SLC39A11: variants seen among roughly 807,000 people sequenced by gnomAD.
SLC39A11 encodes solute carrier family 39 member 11.
In SLC39A11, 33 loss-of-function variants were observed where a neutral mutation model predicts 36.1. The ratio of observed to expected loss-of-function variants is 0.91; its 90% confidence interval spans 0.69 to 1.22. The LOEUF (loss-of-function observed/expected upper bound fraction) is 1.22. Ranked by LOEUF, SLC39A11 falls within the 50% of genes most tolerant of loss-of-function variation. The pLI is 0.00. For missense variants in SLC39A11, 432 were observed against 430.3 expected, an observed-to-expected ratio of 1.00 and a Z score of -0.03; for synonymous variants, 166 against 170.3, an observed-to-expected ratio of 0.97 and a Z score of 0.20.
chr17:72,688,597 C>T (rs930816133), intron 7 of SLC39A11, among the ~76,000 whole-genome samples: 1 of 152,194 alleles, frequency 6.6e-6, no homozygotes, highest in African/African-American at 2.4e-5. Flanking sequence ...CTTCAGGTGG[C>T]AATGGGAGAT....
chr17:72,731,398 TTGG>T (rs2074209074), intron 7 of SLC39A11, among the ~76,000 whole-genome samples: 2 of 152,134 alleles, frequency 1.3e-5, no homozygotes, highest in African/African-American at 4.8e-5. Context: ...ATCCCCAATG[TTGG>T]GGGTAGGACG....
At chr17:73,036,877 C>T (rs2058935573) in intron 3 of SLC39A11, among the ~76,000 whole-genome samples, 1 of 152,168 alleles carries the variant, frequency 6.6e-6, no homozygotes, top group Non-Finnish European at 1.5e-5. Context: ...CTGTGCTCCA[C>T]CTATTTATTC....
At chr17:72,823,886 G>T (rs2077902973) in intron 6 of SLC39A11, 1 of 151,414 alleles carries the variant, frequency 6.6e-6, no homozygotes, top group South Asian at 2.1e-4. Flanking sequence ...ATGGAAACCT[G>T]TAGAGAGCAA....
At chr17:73,012,458 G>A (rs1345295135) in intron 4 of SLC39A11, among the ~76,000 whole-genome samples, 1 of 151,640 alleles carries the variant, frequency 6.6e-6, no homozygotes, top group African/African-American at 2.4e-5. Flanking sequence ...TTAAACAAAG[G>A]ATCGACTGAA....
intron 1 of SLC39A11, among the ~76,000 whole-genome samples, chr17:73,091,284 T>G (rs1306168309): frequency 1.6e-4 from 24 of 151,700 alleles, no homozygotes; most frequent in Admixed American, 1.6e-3. Context: ...AAAAATTACT[T>G]GGGCGTCGTG....
chr17:73,088,338 G>A (rs1414776234), intron 2 of SLC39A11, among the ~76,000 whole-genome samples: 1 of 151,874 alleles, frequency 6.6e-6, no homozygotes, highest in African/African-American at 2.4e-5. Context: ...TTACATGGCA[G>A]GTAGAAATTA....
chr17:73,004,159 G>GA lies in SLC39A11; in HGVS notation c.306+27396dup, dbSNP rs1240978767. Among the ~76,000 whole-genome samples the GA allele has an allele frequency of 7.0e-5, 8 of 113,728 alleles. No individual in the cohort carries two copies. In the East Asian group the frequency reaches 7.5e-4, roughly 11 times the overall value. The allele number at this position is 113,728 out of a possible 152,430, so 74.6% of individuals were successfully genotyped here. A position where few individuals can be genotyped will look rare whatever the true frequency, so the allele number is the denominator to read the frequency against. On this transcript the variant is annotated intron_variant, in intron 4 of 9. Transcript: ENST00000255559. ...AGAAAGGAAGAAAGAAAGAAAGAAG[G>GA]AAAAAAAGAAAGAAAGAAAGAAAGA...
intron 5 of SLC39A11, among the ~76,000 whole-genome samples, chr17:72,906,589 G>C (rs2082668338): frequency 6.6e-6 from 1 of 151,854 alleles, no homozygotes; most frequent in Admixed American, 6.6e-5. Flanking sequence ...TGCTGTGAGA[G>C]ATATACACTG....
At chr17:73,037,311 T>C (rs2058953198) in intron 3 of SLC39A11, among the ~76,000 whole-genome samples, 1 of 152,150 alleles carries the variant, frequency 6.6e-6, no homozygotes, top group Non-Finnish European at 1.5e-5. Flanking sequence ...CCAGCACAGG[T>C]GGGGAGGTGA....
chr17:72,880,380 G>T (rs531550294), intron 5 of SLC39A11, among the ~76,000 whole-genome samples: 5 of 152,160 alleles, frequency 3.3e-5, no homozygotes, highest in African/African-American at 1.2e-4. Flanking sequence ...ACCAGCCTGG[G>T]CAACATGGTG....
intron 6 of SLC39A11, among the ~76,000 whole-genome samples, chr17:72,738,005 T>C (rs907504073): frequency 1.3e-5 from 2 of 152,100 alleles, no homozygotes; most frequent in Non-Finnish European, 2.9e-5. Flanking sequence ...TTTATTTTTA[T>C]ATTTTTATGT....
intron 4 of SLC39A11, among the ~76,000 whole-genome samples, chr17:73,013,307 C>T (rs977619577): frequency 7.0e-5 from 3 of 42,942 alleles, no homozygotes; most frequent in Non-Finnish European, 2.5e-4. Context: ...AGGCTGGTCT[C>T]GAACTCCTGA....
At chr17:72,697,042 G>A (rs920607705) in intron 7 of SLC39A11, among the ~76,000 whole-genome samples, 3 of 152,142 alleles carry the variant, frequency 2.0e-5, no homozygotes, top group African/African-American at 4.8e-5. Context: ...AACACCAGAC[G>A]TTTCATTTTC....
intron 7 of SLC39A11, among the ~76,000 whole-genome samples, chr17:72,655,618 T>C (rs1189351715): frequency 1.3e-5 from 2 of 152,134 alleles, no homozygotes; most frequent in African/African-American, 4.8e-5. Context: ...TCCCTGCTAT[T>C]CGAATTCCCA....
rs8079110 is a variant in SLC39A11 at position 72,922,725 on chromosome 17, T to C, written c.430+25027A>G. 5.9e-3 allele frequency among the ~76,000 whole-genome samples: 891 copies of C among 152,196 alleles called. 9 individuals are homozygous for C. The highest frequency in any genetic ancestry group is 0.02 in the African/African-American group (836 of 41,524). On this transcript the variant is annotated intron_variant, in intron 5 of 9. Coordinates refer to ENST00000255559, the MANE Select transcript of SLC39A11 (RefSeq NM_139177.4). ...GCTCATGCCTATAATCCCAGCACTTTGGGAGGCTGAGGTGGCCAGATCACT... is the reference window on the plus strand; with the variant it reads ...GCTCATGCCTATAATCCCAGCACTTCGGGAGGCTGAGGTGGCCAGATCACT...
intron 5 of SLC39A11, among the ~76,000 whole-genome samples, chr17:72,899,379 G>A (rs72847960): frequency 0.16 from 24,531 of 151,952 alleles, 4,049 homozygotes; most frequent in African/African-American, 0.42. Flanking sequence ...ACCAACAATC[G>A]TAATTATTTA....
At chr17:72,671,962 T>C (rs889318890) in intron 7 of SLC39A11, among the ~76,000 whole-genome samples, 4 of 152,146 alleles carry the variant, frequency 2.6e-5, no homozygotes, top group African/African-American at 7.2e-5. Context: ...GAATCGTGAC[T>C]ATAGTAGACA....
At chr17:72,803,677 C>T (rs2077166077) in intron 6 of SLC39A11, among the ~76,000 whole-genome samples, 1 of 152,158 alleles carries the variant, frequency 6.6e-6, no homozygotes, top group Non-Finnish European at 1.5e-5. Flanking sequence ...GGGCAGGTCA[C>T]ATTTGCTTTC....
At chr17:72,781,499 C>T (rs1218555775) in intron 6 of SLC39A11, among the ~76,000 whole-genome samples, 3 of 152,024 alleles carry the variant, frequency 2.0e-5, no homozygotes, top group African/African-American at 4.8e-5. Flanking sequence ...TCTCGGCTCA[C>T]TGCAACCTCC....
Sources: gnomAD v4.1 joint callset for allele counts (sites outside exome capture counted in the v4.1 genomes callset) on GRCh38, gnomAD v4.1.1 for gene constraint, MANE v1.5 for transcripts, NCBI Gene and HGNC (gene_info 2026-07-23, HGNC 2026-07-21) for gene names.